The following SMYD3 variants were observed in gnomAD, a reference collection of about 807,000 sequenced individuals.
The protein encoded by SMYD3 is histone-lysine N-methyltransferase SMYD3.
A neutral mutation model predicts 57.7 loss-of-function variants in SMYD3; 36 were observed. The ratio of observed to expected loss-of-function variants is 0.62; its 90% confidence interval spans 0.48 to 0.82. SMYD3 has a LOEUF of 0.82. Ranked by LOEUF, SMYD3 falls within the 40% of genes least tolerant of loss-of-function variation. The pLI is 0.00. For synonymous variants in SMYD3, 211 were observed against 195.0 expected, an observed-to-expected ratio of 1.08 and a Z score of -0.68; for missense variants, 515 against 538.8, an observed-to-expected ratio of 0.96 and a Z score of 0.44.
intron 5 of SMYD3, among the ~76,000 whole-genome samples, chr1:246,184,435 A>G (rs1185801242): frequency 6.6e-6 from 1 of 152,238 alleles, no homozygotes; most frequent in Non-Finnish European, 1.5e-5. Flanking sequence ...GCTGTCTTCA[A>G]CAATGACCAG....
At chr1:245,756,447 T>C (rs2045609219) in intron 11 of SMYD3, among the ~76,000 whole-genome samples, 1 of 152,088 alleles carries the variant, frequency 6.6e-6, no homozygotes, top group Non-Finnish European at 1.5e-5. Flanking sequence ...TTGCTGACCA[T>C]ATTCTTTCTT....
At chr1:246,493,990 T>C (rs1372274253) in intron 1 of SMYD3, among the ~76,000 whole-genome samples, 2 of 152,296 alleles carry the variant, frequency 1.3e-5, no homozygotes, top group South Asian at 4.1e-4. Context: ...CCTTCATCAC[T>C]TCACATCTAG....
chr1:245,839,362 G>A lies in SMYD3; in HGVS notation c.1076+19134C>T, dbSNP rs1004241642. Among the ~76,000 whole-genome samples the A allele has an allele frequency of 3.9e-5, 6 of 151,962 alleles. No homozygotes were observed. The East Asian group carries it at 5.8e-4, about 15-fold the overall frequency. On this transcript the variant is annotated intron_variant, in intron 10 of 11. Coordinates refer to ENST00000490107, the MANE Select transcript of SMYD3 (RefSeq NM_001167740.2). The stretch of plus-strand genomic sequence containing the variant: ...GTTTTTGTATTTTTAGTAGAGACGG[G>A]GTTTCACCGTGTTAGCCAGGATGGT...
chr1:245,850,322 A>G (rs1558419951), intron 10 of SMYD3, among the ~76,000 whole-genome samples: 1 of 152,238 alleles, frequency 6.6e-6, no homozygotes, highest in Non-Finnish European at 1.5e-5. Context: ...TTTTAGGCAG[A>G]TTATTTCTCA....
At chr1:246,040,898 C>T (rs1184285143) in intron 5 of SMYD3, among the ~76,000 whole-genome samples, 1 of 151,918 alleles carries the variant, frequency 6.6e-6, no homozygotes, top group Non-Finnish European at 1.5e-5. Context: ...TGTCTTTTTC[C>T]CTCTCTGATA....
At chr1:246,499,178 C>T (rs2068417145) in intron 1 of SMYD3, among the ~76,000 whole-genome samples, 1 of 149,782 alleles carries the variant, frequency 6.7e-6, no homozygotes, top group South Asian at 2.1e-4. Flanking sequence ...TACACACGGG[C>T]CTATAGTCCC....
chr1:246,411,975 T>A (rs370572949), intron 1 of SMYD3, among the ~76,000 whole-genome samples: 10,828 of 60,230 alleles, frequency 0.18, 559 homozygotes, highest in Middle Eastern at 0.38. Context: ...TAAAGTATAA[T>A]AAAAAAAAAA....
At chr1:245,784,843 A>ATTTT (rs74163079) in intron 10 of SMYD3, among the ~76,000 whole-genome samples, 7 of 115,702 alleles carry the variant, frequency 6.1e-5, no homozygotes, top group African/African-American at 1.8e-4. Context: ...TTTAGACTGA[A>ATTTT]TTTTTTTTTT....
chr1:245,870,817 C>T (rs987773380), intron 8 of SMYD3, among the ~76,000 whole-genome samples: 125 of 93,950 alleles, frequency 1.3e-3, no homozygotes, highest in African/African-American at 3.4e-3. Flanking sequence ...AAAGTGACCA[C>T]GGGCTCTGTC....
At chr1:245,797,519 C>G (rs539328627) in intron 10 of SMYD3, among the ~76,000 whole-genome samples, 5 of 91,590 alleles carry the variant, frequency 5.5e-5, no homozygotes, top group South Asian at 6.9e-4. Flanking sequence ...CACACTGGGG[C>G]CTGTGGTGGG....
intron 1 of SMYD3, among the ~76,000 whole-genome samples, chr1:246,505,156 A>G (rs2068517162): frequency 6.6e-6 from 1 of 152,206 alleles, no homozygotes; most frequent in Admixed American, 6.5e-5. Flanking sequence ...TGTTTTGTTT[A>G]GATGCTTAGC....
intron 3 of SMYD3, among the ~76,000 whole-genome samples, chr1:246,334,734 T>C (rs1320656604): frequency 6.6e-6 from 1 of 152,192 alleles, no homozygotes; most frequent in Non-Finnish European, 1.5e-5. Context: ...AAACTTTTTT[T>C]AAAACAGAGA....
chr1:245,771,709 T>C (rs116250663), intron 10 of SMYD3, among the ~76,000 whole-genome samples: 48 of 152,322 alleles, frequency 3.2e-4, no homozygotes, highest in African/African-American at 1.1e-3. Context: ...AAGAGGCACA[T>C]AGAGTCAGTC....
intron 5 of SMYD3, among the ~76,000 whole-genome samples, chr1:246,094,953 C>T (rs958280785): frequency 1.3e-5 from 2 of 152,132 alleles, no homozygotes; most frequent in Non-Finnish European, 1.5e-5. Context: ...GTGTTTACGG[C>T]AAGCCCCGCA....
chr1:246,348,077 T>TATATATATATATATATATACATATAC, intron 2 of SMYD3, among the ~76,000 whole-genome samples: 1 of 86,488 alleles, frequency 1.2e-5, no homozygotes, highest in African/African-American at 4.0e-5. Flanking sequence ...TATATATATA[T>TATATATATATATATATATACATATAC]ACACACACAC....
intron 5 of SMYD3, among the ~76,000 whole-genome samples, chr1:246,281,095 G>A (rs1200560216): frequency 1.3e-5 from 2 of 152,142 alleles, no homozygotes; most frequent in African/African-American, 4.8e-5. Flanking sequence ...TCTAATCACA[G>A]CACCTGCCCT....
At chr1:246,128,231 T>C (rs1489897294) in intron 5 of SMYD3, among the ~76,000 whole-genome samples, 2 of 152,156 alleles carry the variant, frequency 1.3e-5, no homozygotes, top group Non-Finnish European at 2.9e-5. Flanking sequence ...GCACTCCTCC[T>C]CCCCATCTCT....
At chr1:245,999,305 C>T (rs528343816) in intron 5 of SMYD3, among the ~76,000 whole-genome samples, 1 of 152,156 alleles carries the variant, frequency 6.6e-6, no homozygotes, top group African/African-American at 2.4e-5. Flanking sequence ...AGCAATGCTG[C>T]CATATTAACT....
intron 5 of SMYD3, among the ~76,000 whole-genome samples, chr1:246,261,561 T>C (rs1368577676): frequency 6.6e-6 from 1 of 152,004 alleles, no homozygotes; most frequent in Admixed American, 6.6e-5. Flanking sequence ...CATAAAATAA[T>C]TGGTGTAGAA....
Sources: allele counts gnomAD v4.1 joint callset (sites outside exome capture counted in the v4.1 genomes callset), GRCh38; gene constraint gnomAD v4.1.1; transcripts MANE v1.5; gene names NCBI Gene and HGNC (gene_info 2026-07-23, HGNC 2026-07-21).